Variants in POU2F2 observed in about 807,000 individuals in gnomAD.
The protein encoded by POU2F2 is POU class 2 homeobox 2.
A neutral mutation model predicts 63.5 loss-of-function variants in POU2F2; 14 were observed. The observed-to-expected ratio is 0.22, with a 90% CI of 0.15 to 0.34. The LOEUF (loss-of-function observed/expected upper bound fraction) is 0.34, where lower values mean the gene tolerates loss of function less well. Among genes scored for constraint, POU2F2 ranks in the 10% least tolerant of loss-of-function variants. The pLI, the probability that POU2F2 is intolerant of heterozygous loss-of-function variation, is 1.00. For synonymous variants in POU2F2, 306 were observed against 348.6 expected, an observed-to-expected ratio of 0.88 and a Z score of 1.36; for missense variants, 607 against 815.2, an observed-to-expected ratio of 0.74 and a Z score of 3.11.
intron 12 of POU2F2, chr19:42,093,390 T>G (rs1387657732): frequency 6.5e-6 from 1 of 153,120 alleles, no homozygotes; most frequent in African/African-American, 2.4e-5. Flanking sequence ...AGGGGAACTC[T>G]GGATACAAGA....
In POU2F2 at chr19:42,117,292, C is replaced by A. The variant is rs1165645963; in HGVS notation, c.327G>T (p.Leu109=). 1 of 1,506,364 alleles carries A rather than the reference C, an allele frequency of 6.6e-7. No individual in the cohort carries two copies. The highest frequency in any genetic ancestry group is 8.8e-7 in the Non-Finnish European group (1 of 1,135,876). The allele number at this position is 1,506,364 out of a possible 1,614,324, so 93.3% of individuals were successfully genotyped here. A position where few individuals can be genotyped will look rare whatever the true frequency, so the allele number is the denominator to read the frequency against. The part of the protein sequence containing the change: ...PLPPQPAQPH[L]PQAQLMLTGS... ...CCGTCAACATGAGTTGGGCCTGGGG[C>A]AGATGAGGCTGGGCCGGCTGAGGGG... is the stretch of plus-strand genomic sequence containing the variant. The change falls in exon 5 of 15, where the codon CTG becomes CTT. Residue 109 remains leucine (L), a synonymous_variant. Coordinates refer to ENST00000692977, the MANE Select transcript of POU2F2 (RefSeq NM_001394376.1). This position sits in a 1 kb window ranked among gnomAD's most constrained non-coding sequence, Gnocchi z 4.4.
rs559038908 is a variant in POU2F2 at position 42,111,032 on chromosome 19, G to A, written c.369+6218C>T. 6.2e-4 allele frequency among the ~76,000 whole-genome samples: 95 copies of A among 152,304 alleles called. 1 individual carries two copies. The highest frequency in any genetic ancestry group is 6.0e-3 in the Admixed American group (92 of 15,288). ...TTGCCCACCTCATGTCACCACACTT[G>A]AATGTGAGCTCTTGAGGGTGGGAAC... On this transcript the variant is annotated intron_variant, in intron 5 of 14. Coordinates refer to ENST00000692977, the MANE Select transcript of POU2F2 (RefSeq NM_001394376.1).
Position 42,093,870 on chromosome 19 carries a change from G to A in POU2F2, c.1223C>T (p.Thr408Ile). ...GCTGGAAGCTTGGGACAACGGTAAG[G>A]TCCCCGCGCCCCCTTGGGGTGTGAC... ...HMVTPQGGAG[T>I]LPLSQASSSL... Residue 408 changes from threonine to isoleucine, a missense_variant, in exon 12 of 15, where the codon ACC (threonine) becomes ATC (isoleucine). Around this residue, in one of 7 missense-constraint regions of POU2F2, gnomAD observed 270 missense variants for 307.5 expected, o/e 0.88. Coordinates refer to ENST00000692977, the MANE Select transcript of POU2F2 (RefSeq NM_001394376.1). 1 of 1,612,098 alleles carries A rather than the reference G, an allele frequency of 6.2e-7. No individual in the cohort carries two copies.
intron 1 of POU2F2, among the ~76,000 whole-genome samples, chr19:42,125,712 C>T (rs1363247618): frequency 2.0e-5 from 3 of 152,208 alleles, no homozygotes; most frequent in Non-Finnish European, 4.4e-5. Flanking sequence ...CTCCACATTG[C>T]CTCAGGGCAA....
intron 5 of POU2F2, chr19:42,116,781 T>G: frequency 2.8e-6 from 1 of 353,350 alleles, no homozygotes. Flanking sequence ...CAGGCTGTGG[T>G]GGTGGCAGGT....
chr19:42,105,453 T>C (rs1421775431), intron 5 of POU2F2, among the ~76,000 whole-genome samples: 2 of 152,330 alleles, frequency 1.3e-5, no homozygotes, highest in Admixed American at 6.5e-5. Context: ...ATTTTTCTGA[T>C]TTCCTATAAC....
chr19:42,169,738 G>A lies in POU2F2; in HGVS notation c.-70+6225C>T, dbSNP rs554754225. Among the ~76,000 whole-genome samples, 75 of 152,236 alleles carry A rather than the reference G, an allele frequency of 4.9e-4. No individual in the cohort carries two copies. The highest frequency in any genetic ancestry group is 7.0e-4 in the African/African-American group (29 of 41,528). On this transcript the variant is annotated intron_variant, in intron 1 of 6. Transcript: ENST00000524801. The surrounding 1 kb of genome is among the most constrained non-coding windows in gnomAD (Gnocchi z 4.3). Reference sequence around the variant, plus strand: ...CCTCTCTAGTTTGGCGAATGAGTGCGCGCACACGTGTGTGTGTGCGTGTGT... The same window carrying A: ...CCTCTCTAGTTTGGCGAATGAGTGCACGCACACGTGTGTGTGTGCGTGTGT...
chr19:42,196,132 C>T (rs1307061130), intron 1 of POU2F2, among the ~76,000 whole-genome samples: 7 of 152,218 alleles, frequency 4.6e-5, no homozygotes, highest in East Asian at 1.9e-4. Flanking sequence ...CTTCCCGGTG[C>T]CCCCAGCGTC....
At position 42,099,715 on chromosome 19, in the gene POU2F2, C is replaced by A; in HGVS notation, c.475+1G>T. 1.3e-6 allele frequency: 2 copies of A among 1,596,150 alleles called. No homozygotes were observed. Among genetic ancestry groups the A allele is most frequent in the Non-Finnish European group, 8.5e-7 (1 of 1,170,602 alleles). On this transcript the variant is annotated splice_donor_variant, in intron 6 of 14. Transcript: ENST00000692977. LOFTEE classifies it high-confidence loss of function. ...GAGGCCATCTGGGGTGGGGGCCTTACCTGGCTGGCTCTGCTGGGCCTGCGG... is the reference window on the plus strand; with the variant it reads ...GAGGCCATCTGGGGTGGGGGCCTTAACTGGCTGGCTCTGCTGGGCCTGCGG...
chr19:42,102,725 G>A (rs781172396), intron 5 of POU2F2, among the ~76,000 whole-genome samples: 1 of 152,048 alleles, frequency 6.6e-6, no homozygotes, highest in Non-Finnish European at 1.5e-5. Flanking sequence ...AAAAGTGAGG[G>A]GTTTAGATGA....
chr19:42,191,674 G>A (rs904940819), intron 1 of POU2F2, among the ~76,000 whole-genome samples: 1 of 152,198 alleles, frequency 6.6e-6, no homozygotes, highest in Non-Finnish European at 1.5e-5. Context: ...CTGGCAGACT[G>A]GCAGAAAACA....
intron 2 of POU2F2, among the ~76,000 whole-genome samples, chr19:42,159,197 C>T (rs967117879): frequency 2.3e-4 from 35 of 152,294 alleles, no homozygotes; most frequent in African/African-American, 8.4e-4. Context: ...GAAGACTTCA[C>T]ACACAAGTCT....
rs908404673 is a variant in POU2F2, at chr19:42,087,062, ATTTTTT to A, written c.*4189_*4194del. On this transcript the variant is annotated 3_prime_UTR_variant, in exon 15 of 15. Transcript: ENST00000692977. Reference sequence around the variant, plus strand: ...GACTTGCGGCTTGGAGTTTTTGTGTATTTTTTTTTATTTTTATTTTTAATTTTTTTT... The same window carrying A: ...GACTTGCGGCTTGGAGTTTTTGTGTATTTATTTTTATTTTTAATTTTTTTT... The A allele has an allele frequency of 6.9e-6, 1 of 144,104 alleles. No individual in the cohort carries two copies. The highest frequency in any genetic ancestry group is 1.5e-5 in the Non-Finnish European group (1 of 65,292). 8.9% of individuals were successfully genotyped at this position (144,104 alleles called of 1,614,324 possible).
intron 2 of POU2F2, among the ~76,000 whole-genome samples, chr19:42,138,138 G>T (rs191580233): frequency 6.6e-6 from 1 of 152,198 alleles, no homozygotes; most frequent in Non-Finnish European, 1.5e-5. Context: ...TTTGGAGGCC[G>T]CAGTGAAGAA....
Position 42,095,766 on chromosome 19 carries a change from G to A in POU2F2, c.871+22C>T. 1 of 1,613,726 alleles carries A rather than the reference G, an allele frequency of 6.2e-7. No homozygotes were observed. Among genetic ancestry groups the A allele is most frequent in the Non-Finnish European group, 8.5e-7 (1 of 1,179,906 alleles). On this transcript the variant is annotated intron_variant, in intron 9 of 14. Transcript: ENST00000692977. This position sits in a 1 kb window ranked among gnomAD's most constrained non-coding sequence, Gnocchi z 7.1. ...AGCGGCCACTGCCCGCCCCCTACGC[G>A]GGAACCCCAGCCTGGTCCCACCTGC...
Position 42,092,412 on chromosome 19 carries a change from C to T in POU2F2, c.1265-142G>A, listed in dbSNP as rs186302050. On this transcript the variant is annotated intron_variant, in intron 12 of 14. Transcript: ENST00000692977. The surrounding 1 kb of genome is among the most constrained non-coding windows in gnomAD (Gnocchi z 5.0). Reference sequence around the variant, plus strand: ...GAACAGCCTTAGACCTCCCTGCCCTCTCTTCCCAGAGTCATTTCCCTGTGC... The same window carrying T: ...GAACAGCCTTAGACCTCCCTGCCCTTTCTTCCCAGAGTCATTTCCCTGTGC... The T allele has an allele frequency of 4.4e-3, 3,046 of 691,852 alleles. 13 individuals are homozygous for T. The highest frequency in any genetic ancestry group is 6.0e-3 in the Non-Finnish European group (2,342 of 390,816). 42.9% of individuals were successfully genotyped at this position (691,852 alleles called of 1,614,324 possible).
At chr19:42,104,214 GT>G in intron 5 of POU2F2, among the ~76,000 whole-genome samples, 1 of 152,166 alleles carries the variant, frequency 6.6e-6, no homozygotes, top group Non-Finnish European at 1.5e-5. Context: ...AAAATAGTGT[GT>G]AATACCACAT....
intron 5 of POU2F2, chr19:42,116,898 G>C: frequency 2.0e-6 from 1 of 493,094 alleles, no homozygotes; most frequent in South Asian, 1.6e-5. Flanking sequence ...CGGCGGCAGC[G>C]GCGTTAGCGG....
At chr19:42,194,162 C>T (rs537676371) in intron 1 of POU2F2, among the ~76,000 whole-genome samples, 12 of 150,824 alleles carry the variant, frequency 8.0e-5, no homozygotes, top group East Asian at 4.0e-4. Flanking sequence ...TGAGGCGGAT[C>T]GCTTGAGCCC....
Sources: allele counts gnomAD v4.1 joint callset (sites outside exome capture counted in the v4.1 genomes callset), GRCh38; gene constraint gnomAD v4.1.1; regional missense constraint gnomAD v4.1.1; non-coding constraint Gnocchi (gnomAD v3.1); transcripts MANE v1.5; gene names NCBI Gene and HGNC (gene_info 2026-07-23, HGNC 2026-07-21).